DPP10: variants seen among roughly 807,000 people sequenced by gnomAD.
The protein encoded by DPP10 is inactive dipeptidyl peptidase 10.
A neutral mutation model predicts 120.9 loss-of-function variants in DPP10; 33 were observed. The ratio of observed to expected loss-of-function variants is 0.27; its 90% CI spans 0.21 to 0.37. The LOEUF (loss-of-function observed/expected upper bound fraction) is 0.37. Ranked by LOEUF, DPP10 falls within the 10% of genes least tolerant of loss-of-function variation. DPP10 has a pLI of 1.00. For synonymous variants in DPP10, 337 were observed against 326.1 expected (o/e 1.03, Z -0.36); for missense variants, 816 against 942.8 (o/e 0.87, Z 1.76).
chr2:115,191,682 C>G (rs372101227), intron 1 of DPP10, among the ~76,000 whole-genome samples: 5 of 152,084 alleles, frequency 3.3e-5, no homozygotes, highest in Non-Finnish European at 7.4e-5. Context: ...TGGGTCCATC[C>G]TTTTTCTGGT....
chr2:114,778,233 T>C (rs946551393), intron 1 of DPP10, among the ~76,000 whole-genome samples: 1 of 152,138 alleles, frequency 6.6e-6, no homozygotes, highest in African/African-American at 2.4e-5. Flanking sequence ...TCTTACTCTC[T>C]GGGTCAAGAA....
At chr2:115,782,729 T>C (rs1447898474) in intron 17 of DPP10, among the ~76,000 whole-genome samples, 1 of 152,142 alleles carries the variant, frequency 6.6e-6, no homozygotes, top group Non-Finnish European at 1.5e-5. Context: ...GGGCCTCACA[T>C]AAGTTATTCC....
At chr2:114,519,930 A>T in intron 1 of DPP10, among the ~76,000 whole-genome samples, 1 of 152,288 alleles carries the variant, frequency 6.6e-6, no homozygotes, top group Non-Finnish European at 1.5e-5. Flanking sequence ...ATGTATTGCG[A>T]TGGGGTTGTT....
At chr2:115,506,927 T>C (rs1330692307) in intron 4 of DPP10, among the ~76,000 whole-genome samples, 1 of 152,124 alleles carries the variant, frequency 6.6e-6, no homozygotes, top group African/African-American at 2.4e-5. Context: ...GTGATGACTA[T>C]AACCTGTGTC....
chr2:115,802,491 C>T (rs1261360802), intron 19 of DPP10, among the ~76,000 whole-genome samples: 1 of 152,012 alleles, frequency 6.6e-6, no homozygotes, highest in Non-Finnish European at 1.5e-5. Flanking sequence ...TGTGTTTGCT[C>T]TTGCTTTTCT....
intron 12 of DPP10, among the ~76,000 whole-genome samples, chr2:115,767,551 A>ATATG (rs1473080087): frequency 7.9e-5 from 12 of 151,664 alleles, no homozygotes; most frequent in Non-Finnish European, 1.5e-4. Flanking sequence ...GTGTGTGTAT[A>ATATG]TATACACACA....
At chr2:115,213,624 A>G (rs1297071700) in intron 1 of DPP10, among the ~76,000 whole-genome samples, 1 of 152,074 alleles carries the variant, frequency 6.6e-6, no homozygotes, top group Admixed American at 6.6e-5. Context: ...ATAGGTCTAC[A>G]TTATTGTTTA....
chr2:114,926,850 A>T (rs1317822569), intron 1 of DPP10, among the ~76,000 whole-genome samples: 2 of 136,574 alleles, frequency 1.5e-5, no homozygotes, highest in Non-Finnish European at 3.1e-5. Flanking sequence ...GGAAGATACA[A>T]TTTTTTTTTT....
At chr2:114,933,208 C>T (rs1268087204) in intron 1 of DPP10, among the ~76,000 whole-genome samples, 1 of 152,178 alleles carries the variant, frequency 6.6e-6, no homozygotes, top group Non-Finnish European at 1.5e-5. Flanking sequence ...AAAGAGATTA[C>T]ATAAATAACT....
At chr2:115,014,421 G>A (rs1487332880) in intron 1 of DPP10, among the ~76,000 whole-genome samples, 1 of 151,814 alleles carries the variant, frequency 6.6e-6, no homozygotes, top group African/African-American at 2.4e-5. Context: ...ACCCTAACAT[G>A]ATAATTAAAA....
intron 1 of DPP10, among the ~76,000 whole-genome samples, chr2:114,910,136 T>A (rs1193190315): frequency 1.3e-5 from 2 of 151,752 alleles, no homozygotes; most frequent in Non-Finnish European, 2.9e-5. Flanking sequence ...CCTTCCTGCA[T>A]AAATAAATAA....
chr2:114,692,413 T>G (rs1171882927), intron 1 of DPP10, among the ~76,000 whole-genome samples: 3 of 152,118 alleles, frequency 2.0e-5, no homozygotes, highest in Non-Finnish European at 4.4e-5. Context: ...TTCTTGATCT[T>G]GAGTTCTAAT....
At chr2:115,622,257 T>C (rs2085007490) in intron 5 of DPP10, among the ~76,000 whole-genome samples, 2 of 152,088 alleles carry the variant, frequency 1.3e-5, no homozygotes, top group African/African-American at 4.8e-5. Context: ...CTTTGGAACA[T>C]TTCACAAAAA....
intron 19 of DPP10, among the ~76,000 whole-genome samples, chr2:115,791,751 A>T (rs72828597): frequency 0.2 from 30,499 of 152,092 alleles, 4,214 homozygotes; most frequent in East Asian, 0.56. Context: ...TCCTGCATGC[A>T]TGGCCTGCAG....
At chr2:114,965,679 T>C (rs1698958737) in intron 1 of DPP10, among the ~76,000 whole-genome samples, 1 of 151,516 alleles carries the variant, frequency 6.6e-6, no homozygotes, top group African/African-American at 2.4e-5. Flanking sequence ...TGTTTCCACG[T>C]CAGAAAGATA....
At chr2:115,618,744 T>G (rs995457031) in intron 5 of DPP10, among the ~76,000 whole-genome samples, 2 of 152,192 alleles carry the variant, frequency 1.3e-5, no homozygotes, top group African/African-American at 2.4e-5. Context: ...TCACTTAGAC[T>G]AGGATGTAAG....
chr2:114,881,776 C>A (rs1691667247), intron 1 of DPP10, among the ~76,000 whole-genome samples: 1 of 152,100 alleles, frequency 6.6e-6, no homozygotes, highest in Non-Finnish European at 1.5e-5. Flanking sequence ...TTGGATATGA[C>A]TGTTTCTCAA....
chr2:115,724,431 T>C (rs1200002133), intron 7 of DPP10, among the ~76,000 whole-genome samples: 3 of 152,356 alleles, frequency 2.0e-5, no homozygotes, highest in East Asian at 3.9e-4. Context: ...ATGAGCAACA[T>C]TGACTAACAC....
intron 7 of DPP10, among the ~76,000 whole-genome samples, chr2:115,704,411 C>T (rs956313246): frequency 2.0e-5 from 3 of 151,826 alleles, no homozygotes; most frequent in Non-Finnish European, 4.4e-5. Flanking sequence ...TTGTTATCTT[C>T]TACCACTAAC....
Sources: gnomAD v4.1 joint callset for allele counts (sites outside exome capture counted in the v4.1 genomes callset) on GRCh38, gnomAD v4.1.1 for gene constraint, MANE v1.5 for transcripts, NCBI Gene and HGNC (gene_info 2026-07-23, HGNC 2026-07-21) for gene names.